The following CHMP4C variants were observed in gnomAD, a reference collection of about 807,000 sequenced individuals.
The protein encoded by CHMP4C is charged multivesicular body protein 4C, also known as SNF7 homolog associated with Alix 3.
CHMP4C carries 28 observed loss-of-function variants against 29.0 expected under a neutral mutation model. The ratio of observed to expected loss-of-function variants is 0.97; its 90% CI spans 0.72 to 1.32. The LOEUF is 1.32. Among genes scored for constraint, CHMP4C ranks in the 40% most tolerant of loss-of-function variants. The pLI, the probability that CHMP4C is intolerant of heterozygous loss-of-function variation, is 0.00. For synonymous variants in CHMP4C, 106 were observed against 102.4 expected (o/e 1.04, Z -0.21); for missense variants, 291 against 281.0 (o/e 1.04, Z -0.25).
At chr8:81,750,370 G>T (rs1465289899) in intron 1 of CHMP4C, among the ~76,000 whole-genome samples, 1 of 152,026 alleles carries the variant, frequency 6.6e-6, no homozygotes, top group East Asian at 1.9e-4. Context: ...GAGGCCAAGG[G>T]GAGTAGGATT....
chr8:81,743,238 T>C (rs1473860968), intron 1 of CHMP4C, among the ~76,000 whole-genome samples: 1 of 150,814 alleles, frequency 6.6e-6, no homozygotes, highest in Non-Finnish European at 1.5e-5. Flanking sequence ...AATTGAATCA[T>C]ATTAAATATA....
rs143006139 is a variant in CHMP4C at position 81,736,284 on chromosome 8, T to A, written c.190+3468T>A. Among the ~76,000 whole-genome samples the A allele has an allele frequency of 1.9e-3, 283 of 150,794 alleles. 2 individuals are homozygous for A. Among genetic ancestry groups the A allele is most frequent in the African/African-American group, 6.6e-3 (272 of 40,956 alleles). ...GATCCTTCCACCTCAGCTTCCTGAG[T>A]AGCTAGCACCACAGGCACGCACTAC... On this transcript the variant is annotated intron_variant, in intron 1 of 4. Coordinates refer to ENST00000297265, the MANE Select transcript of CHMP4C (RefSeq NM_152284.4).
At chr8:81,747,344 CAA>C (rs568055667) in intron 1 of CHMP4C, among the ~76,000 whole-genome samples, 3 of 137,050 alleles carry the variant, frequency 2.2e-5, no homozygotes, top group African/African-American at 5.4e-5. Flanking sequence ...AAAAGTTGCT[CAA>C]AAAAAAAAAA....
At chr8:81,758,414 AC>A (rs1554593738) in intron 4 of CHMP4C, 65 bp from the exon 5 acceptor site, 2 of 1,538,720 alleles carry the variant, frequency 1.3e-6, no homozygotes, top group Non-Finnish European at 1.8e-6. Context: ...TGTAATTCAT[AC>A]CTGTTTTCTA....
At chr8:81,746,379 A>G (rs1298089505) in intron 1 of CHMP4C, among the ~76,000 whole-genome samples, 5 of 152,192 alleles carry the variant, frequency 3.3e-5, no homozygotes, top group Non-Finnish European at 7.3e-5. Flanking sequence ...CTGAATCCCA[A>G]CAGTGCTGCT....
At chr8:81,736,979 T>A (rs963357209) in intron 1 of CHMP4C, among the ~76,000 whole-genome samples, 6 of 152,168 alleles carry the variant, frequency 3.9e-5, no homozygotes, top group African/African-American at 1.4e-4. Flanking sequence ...ATGAACAAAT[T>A]GATTTTGCAA....
intron 3 of CHMP4C, among the ~76,000 whole-genome samples, chr8:81,756,427 G>A (rs546726362): frequency 2.0e-5 from 3 of 152,294 alleles, no homozygotes; most frequent in Admixed American, 1.3e-4. Flanking sequence ...TCCTGATGTA[G>A]ACTAGTAAGC....
In CHMP4C at chr8:81,745,977, C is replaced by T. The variant is rs1200311948; in HGVS notation, c.191-7087C>T. On this transcript the variant is annotated intron_variant, in intron 1 of 4. Coordinates refer to ENST00000297265, the MANE Select transcript of CHMP4C (RefSeq NM_152284.4). ...TTGATTTGCAGCATTTGTTGCATGC[C>T]TTTGAAAAAATACAGCTGCTTCTTT... is the stretch of plus-strand genomic sequence containing the variant. Among the ~76,000 whole-genome samples the T allele has an allele frequency of 5.3e-5, 8 of 152,106 alleles. No individual in the cohort carries two copies. The South Asian group carries it at 1.7e-3, about 32-fold the overall frequency.
intron 1 of CHMP4C, among the ~76,000 whole-genome samples, chr8:81,749,087 A>C (rs149327363): frequency 1.7e-4 from 26 of 152,316 alleles, no homozygotes; most frequent in African/African-American, 6.0e-4. Flanking sequence ...TATAATCACT[A>C]TTTCCAGAAC....
chr8:81,742,425 G>T (rs369572141), intron 1 of CHMP4C, among the ~76,000 whole-genome samples: 1 of 152,184 alleles, frequency 6.6e-6, no homozygotes, highest in Non-Finnish European at 1.5e-5. Flanking sequence ...TTCAATGTCA[G>T]CTATCTAGCT....
intron 1 of CHMP4C, among the ~76,000 whole-genome samples, chr8:81,735,568 G>T (rs1408326788): frequency 6.6e-5 from 10 of 152,112 alleles, no homozygotes; most frequent in Non-Finnish European, 7.4e-5. Context: ...GATAATCAGG[G>T]TGACATAATT....
intron 1 of CHMP4C, among the ~76,000 whole-genome samples, chr8:81,736,336 T>A (rs1808690806): frequency 6.6e-6 from 1 of 151,828 alleles, no homozygotes; most frequent in Admixed American, 6.6e-5. Context: ...ATTTTCTTTT[T>A]TTTTTGTATA....
At chr8:81,753,307 A>G (rs1219537966) in intron 2 of CHMP4C, 66 bp downstream of exon 2, 4 of 1,287,148 alleles carry the variant, frequency 3.1e-6, no homozygotes, top group Non-Finnish European at 4.1e-6. Context: ...CTTTGGAACC[A>G]TATGATGGTT....
chr8:81,751,870 A>G (rs988663092), intron 1 of CHMP4C, among the ~76,000 whole-genome samples: 10 of 152,118 alleles, frequency 6.6e-5, no homozygotes, highest in Non-Finnish European at 1.5e-5. Context: ...AGAATAAAAC[A>G]ATGTTGAAAT....
At chr8:81,732,937 G>C in intron 1 of CHMP4C, 121 bp downstream of exon 1, 1 of 892,078 alleles carries the variant, frequency 1.1e-6, no homozygotes. Context: ...GTCTTTTCTA[G>C]GAACTGGTAC....
At chr8:81,736,889 T>C (rs1012017180) in intron 1 of CHMP4C, among the ~76,000 whole-genome samples, 13 of 152,236 alleles carry the variant, frequency 8.5e-5, no homozygotes, top group Non-Finnish European at 1.8e-4. Flanking sequence ...CTACTCATAG[T>C]ACAGGGGTAG....
chr8:81,753,077 A>T lies in CHMP4C; in HGVS notation c.204A>T (p.Ala68=), dbSNP rs1404546738. 6.2e-7 allele frequency: 1 copy of T among 1,609,862 alleles called. No individual in the cohort carries two copies. Among genetic ancestry groups the T allele is most frequent in the Non-Finnish European group, 8.5e-7 (1 of 1,178,050 alleles). ...TCTCTTATTTAGCTGCATTACAGGC[A>T]CTAAAGAGAAAGAAGAGGTTCGAGA... ...GTQNKRAALQ[A]LKRKKRFEKQ... is the part of the protein sequence containing the mutation. Residue 68 remains alanine, a synonymous_variant, in exon 2 of 5, where the codon GCA becomes GCT. Coordinates refer to ENST00000297265, the MANE Select transcript of CHMP4C (RefSeq NM_152284.4).
intron 1 of CHMP4C, among the ~76,000 whole-genome samples, chr8:81,733,898 A>G (rs1473219339): frequency 6.6e-6 from 1 of 152,176 alleles, no homozygotes; most frequent in African/African-American, 2.4e-5. Flanking sequence ...GGCTCACTCT[A>G]CAGGATGCTG....
chr8:81,746,643 T>C (rs1381980500), intron 1 of CHMP4C, among the ~76,000 whole-genome samples: 1 of 152,232 alleles, frequency 6.6e-6, no homozygotes, highest in Non-Finnish European at 1.5e-5. Flanking sequence ...TTTGGGACTC[T>C]GGTTGGGCCA....
Sources: allele counts gnomAD v4.1 joint callset (sites outside exome capture counted in the v4.1 genomes callset), GRCh38; gene constraint gnomAD v4.1.1; transcripts MANE v1.5; gene names NCBI Gene and HGNC (gene_info 2026-07-23, HGNC 2026-07-21).